Variants in ATG7 observed in about 807,000 individuals in gnomAD.
ATG7 encodes ubiquitin-like modifier-activating enzyme ATG7.
A neutral mutation model predicts 82.4 loss-of-function variants in ATG7; 70 were observed. That is an observed-to-expected ratio of 0.85 (90% CI 0.70 to 1.04). ATG7 has a LOEUF of 1.04. ATG7 is among the 50% of genes least tolerant of loss of function. The pLI, the probability that ATG7 is intolerant of heterozygous loss-of-function variation, is 0.00. For missense variants in ATG7, 792 were observed against 864.3 expected (o/e 0.92, Z 1.05); for synonymous variants, 287 against 313.0 (o/e 0.92, Z 0.88).
At chr3:11,568,998 C>A in the ATG7 span, 1 of 1,050,970 alleles carries the variant, frequency 9.5e-7, no homozygotes, top group South Asian at 2.8e-5. The surrounding 1 kb of genome is among the most constrained non-coding windows in gnomAD (Gnocchi z 5.9). Context: ...ACACCATCAT[C>A]CAGGACAGAG....
At chr3:11,283,278 A>G (rs765038599) in intron 3 of ATG7, among the ~76,000 whole-genome samples, 16 of 151,742 alleles carry the variant, frequency 1.1e-4, no homozygotes, top group Non-Finnish European at 2.2e-4. Context: ...AAATTTTCAT[A>G]GTGAGCATGG....
At chr3:11,548,798 C>T (rs58229835) in intron 20 of ATG7, among the ~76,000 whole-genome samples, 4 of 152,198 alleles carry the variant, frequency 2.6e-5, no homozygotes, top group African/African-American at 7.2e-5. Flanking sequence ...TGGGCCTGTT[C>T]CCAGTCTTTT....
At position 11,272,402 on chromosome 3, in the gene ATG7, G is replaced by A. The variant is rs567821536; in HGVS notation, c.-394G>A. The A allele has an allele frequency of 6.5e-5, 10 of 152,692 alleles. No homozygotes were observed. The highest frequency in any genetic ancestry group is 1.2e-4 in the Non-Finnish European group (8 of 68,166). 9.5% of individuals were successfully genotyped at this position (152,692 alleles called of 1,614,324 possible). A position where few individuals can be genotyped will look rare whatever the true frequency, so the allele number is the denominator to read the frequency against. On this transcript the variant is annotated 5_prime_UTR_variant, in exon 1 of 21. Coordinates refer to ENST00000693202, the MANE Select transcript of ATG7 (RefSeq NM_001349232.2). ...GTCATCGGGGCGCGCGCCTCAGAGA[G>A]AGCTGTGGTTGCCGGAAGTTGAGCG...
At chr3:11,322,438 C>T (rs1416280129) in intron 9 of ATG7, among the ~76,000 whole-genome samples, 1 of 152,126 alleles carries the variant, frequency 6.6e-6, no homozygotes, top group Non-Finnish European at 1.5e-5. Context: ...GTTTTACTTC[C>T]AGCTATATAT....
intron 12 of ATG7, among the ~76,000 whole-genome samples, chr3:11,341,069 C>G (rs115721039): frequency 0.024 from 3,463 of 143,942 alleles, 131 homozygotes; most frequent in African/African-American, 0.08. Context: ...CCCGCCCCGT[C>G]CCCCACCCCG....
At chr3:11,546,810 T>C (rs1019518930) in intron 20 of ATG7, among the ~76,000 whole-genome samples, 2 of 152,174 alleles carry the variant, frequency 1.3e-5, no homozygotes, top group Non-Finnish European at 2.9e-5. Context: ...CCCTCTTCCA[T>C]TGCAGGGCAG....
At chr3:11,442,629 G>A (rs991406526) in intron 20 of ATG7, among the ~76,000 whole-genome samples, 4 of 150,188 alleles carry the variant, frequency 2.7e-5, no homozygotes, top group South Asian at 2.1e-4. Flanking sequence ...GGCCAGGTGC[G>A]TGGGATTACA....
chr3:11,319,114 A>C (rs1203698739), intron 9 of ATG7, among the ~76,000 whole-genome samples: 2 of 152,236 alleles, frequency 1.3e-5, no homozygotes, highest in African/African-American at 4.8e-5. Context: ...GAGAGGAAAG[A>C]GAGAGAATTG....
In ATG7 at chr3:11,557,417, C is replaced by T. The variant is rs1291236243; in HGVS notation, c.*2574C>T. ...GTAGGGAAGTTGGAAGACACAAACC[C>T]CACCTCCCCTGGGAGCTTGTAACAA... On this transcript the variant is annotated 3_prime_UTR_variant, in exon 21 of 21. Transcript: ENST00000693202. The T allele has an allele frequency of 6.6e-6, 1 of 152,670 alleles. No individual in the cohort carries two copies. Among genetic ancestry groups the T allele is most frequent in the Non-Finnish European group, 1.5e-5 (1 of 68,026 alleles). 9.5% of individuals were successfully genotyped at this position (152,670 alleles called of 1,614,324 possible).
intron 19 of ATG7, among the ~76,000 whole-genome samples, chr3:11,384,331 G>A (rs1296048186): frequency 6.6e-6 from 1 of 152,190 alleles, no homozygotes; most frequent in East Asian, 1.9e-4. Flanking sequence ...TACCATCTGG[G>A]ACCTGCGCAG....
At chr3:11,457,528 G>T (rs1052703162) in intron 20 of ATG7, among the ~76,000 whole-genome samples, 2 of 152,146 alleles carry the variant, frequency 1.3e-5, no homozygotes, top group African/African-American at 4.8e-5. Context: ...AAATTGTTCT[G>T]TACCCAGGAG....
At chr3:11,539,001 T>C (rs1469645043) in intron 20 of ATG7, among the ~76,000 whole-genome samples, 4 of 151,146 alleles carry the variant, frequency 2.6e-5, no homozygotes, top group African/African-American at 9.9e-5. Context: ...CTTCTTGCTA[T>C]TTTCAATGTG....
chr3:11,403,067 A>G (rs757151352), intron 19 of ATG7, among the ~76,000 whole-genome samples: 13 of 152,228 alleles, frequency 8.5e-5, no homozygotes, highest in Non-Finnish European at 1.5e-4. Context: ...ATAGTACACT[A>G]ACATACCATT....
chr3:11,522,730 T>G (rs1400679036), intron 20 of ATG7, among the ~76,000 whole-genome samples: 1 of 152,196 alleles, frequency 6.6e-6, no homozygotes, highest in African/African-American at 2.4e-5. Flanking sequence ...AACAGTAAAT[T>G]CAAGTAAATC....
At chr3:11,420,855 A>G (rs2081879095) in intron 19 of ATG7, among the ~76,000 whole-genome samples, 1 of 146,246 alleles carries the variant, frequency 6.8e-6, no homozygotes, top group African/African-American at 2.6e-5. Flanking sequence ...TCCTGGGTTC[A>G]TGCCATTCTC....
intron 20 of ATG7, among the ~76,000 whole-genome samples, chr3:11,462,244 G>A (rs979898248): frequency 1.1e-4 from 16 of 152,038 alleles, no homozygotes; most frequent in East Asian, 7.8e-4. Context: ...GGGCCCTCTC[G>A]TCACCATTGC....
intron 20 of ATG7, among the ~76,000 whole-genome samples, chr3:11,452,169 G>A (rs1365014408): frequency 1.3e-5 from 2 of 151,842 alleles, no homozygotes; most frequent in African/African-American, 4.8e-5. Flanking sequence ...AGATTACCCT[G>A]AGGTCAGGCA....
At chr3:11,507,601 T>C (rs1359538985) in intron 20 of ATG7, among the ~76,000 whole-genome samples, 1 of 152,240 alleles carries the variant, frequency 6.6e-6, no homozygotes, top group Non-Finnish European at 1.5e-5. Context: ...CCCTCCATTA[T>C]AAGTGAAGGA....
intron 7 of ATG7, among the ~76,000 whole-genome samples, chr3:11,310,731 C>T (rs574919157): frequency 6.6e-6 from 1 of 151,432 alleles, no homozygotes. Flanking sequence ...CTCCCAGGTT[C>T]ATGCCATTCT....
Sources: gnomAD v4.1 joint callset for allele counts (sites outside exome capture counted in the v4.1 genomes callset) on GRCh38, gnomAD v4.1.1 for gene constraint, Gnocchi (gnomAD v3.1) non-coding constraint, MANE v1.5 for transcripts, NCBI Gene and HGNC (gene_info 2026-07-23, HGNC 2026-07-21) for gene names.